Variants in KLHL5 observed in about 807,000 individuals in gnomAD.
The protein encoded by KLHL5 is kelch-like protein 5.
In KLHL5, 48 loss-of-function variants were observed where a neutral mutation model predicts 77.7. That is an observed-to-expected ratio of 0.62 (90% CI 0.49 to 0.79). The LOEUF (loss-of-function observed/expected upper bound fraction) is 0.79. Ranked by LOEUF, KLHL5 falls within the 30% of genes least tolerant of loss-of-function variation. The pLI, the probability that KLHL5 is intolerant of heterozygous loss-of-function variation, is 0.00. For synonymous variants in KLHL5, 260 were observed against 297.0 expected, an observed-to-expected ratio of 0.88 and a Z score of 1.28; for missense variants, 723 against 859.7, an observed-to-expected ratio of 0.84 and a Z score of 1.99.
At chr4:39,126,406 A>AGAG (rs2109651378), downstream of KLHL5, among the ~76,000 whole-genome samples, 1 of 152,244 alleles carries the variant, frequency 6.6e-6, no homozygotes, top group Non-Finnish European at 1.5e-5. Context: ...GAGATGTAGG[A>AGAG]GAGTACCGTG....
chr4:39,069,096 A>G (rs1718165660), intron 1 of KLHL5, among the ~76,000 whole-genome samples: 1 of 152,130 alleles, frequency 6.6e-6, no homozygotes, highest in Non-Finnish European at 1.5e-5. Flanking sequence ...TCTTTTCTCC[A>G]TGATTGAAGC....
At chr4:39,129,032 C>T (rs1723690112), downstream of KLHL5, among the ~76,000 whole-genome samples, 1 of 151,798 alleles carries the variant, frequency 6.6e-6, no homozygotes. The surrounding 1 kb of genome is among the most constrained non-coding windows in gnomAD (Gnocchi z 4.2). Flanking sequence ...GCAAGCGGGC[C>T]CCCATACACT....
chr4:39,069,430 TTATATATATATATATATATATA>T (rs60740721), intron 1 of KLHL5, among the ~76,000 whole-genome samples: 957 of 30,418 alleles, frequency 0.031, 17 homozygotes, highest in African/African-American at 0.11. Context: ...TATTAACATT[TTATATATATATATATATATATA>T]TATATATATA....
chr4:39,056,697 G>A (rs529177911), intron 1 of KLHL5, among the ~76,000 whole-genome samples: 102 of 152,224 alleles, frequency 6.7e-4, no homozygotes, highest in Middle Eastern at 3.4e-3. Flanking sequence ...TCCTATCCTA[G>A]CTGTTTGATT....
chr4:39,137,118 ATTGTTGTAAAC>A, the KLHL5 span, among the ~76,000 whole-genome samples: 1 of 152,208 alleles, frequency 6.6e-6, no homozygotes, highest in Non-Finnish European at 1.5e-5. Context: ...AATTCGGCAT[ATTGTTGTAAAC>A]TCACGGTTTT....
intron 1 of KLHL5, among the ~76,000 whole-genome samples, 180 bp downstream of exon 1, chr4:39,063,215 CTG>C (rs1450046573): frequency 6.6e-6 from 1 of 151,786 alleles, no homozygotes; most frequent in Non-Finnish European, 1.5e-5. Context: ...TTCTAATAGT[CTG>C]TAAAATTACA....
intron 1 of KLHL5, among the ~76,000 whole-genome samples, chr4:39,046,951 G>A (rs1291837097): frequency 6.6e-6 from 1 of 152,136 alleles, no homozygotes; most frequent in Non-Finnish European, 1.5e-5. Context: ...ACAAGATTCT[G>A]AGCTCAAGTA....
intron 1 of KLHL5, among the ~76,000 whole-genome samples, chr4:39,047,943 G>A (rs914685716): frequency 3.9e-5 from 6 of 152,142 alleles, no homozygotes; most frequent in Admixed American, 6.5e-5. Flanking sequence ...GTTTCCAGCC[G>A]GTTGATGAAC....
intron 9 of KLHL5, among the ~76,000 whole-genome samples, chr4:39,113,682 G>A (rs1213370844): frequency 6.6e-6 from 1 of 152,236 alleles, no homozygotes; most frequent in Non-Finnish European, 1.5e-5. Flanking sequence ...GATTTGGATG[G>A]TAGGTCAGGT....
At position 39,120,982 on chromosome 4, in the gene KLHL5, C is replaced by G. The variant is rs199922586; in HGVS notation, c.2074-28C>G. The stretch of plus-strand genomic sequence containing the variant: ...AGTGTTGACATTTTAACCTACAGAT[C>G]CAATACATATCTCTTTTTCCTTTTT... On this transcript the variant is annotated intron_variant, in intron 10 of 10. Coordinates refer to ENST00000504108, the MANE Select transcript of KLHL5 (RefSeq NM_015990.5). 3 of 1,574,234 alleles carry G rather than the reference C, an allele frequency of 1.9e-6. No homozygotes were observed. In the African/African-American group the frequency reaches 4.0e-5, roughly 21 times the overall value.
At chr4:39,139,319 C>T in the KLHL5 span, among the ~76,000 whole-genome samples, 81 of 150,692 alleles carry the variant, frequency 5.4e-4, no homozygotes, top group Middle Eastern at 3.5e-3. Context: ...ATCATCAATA[C>T]TGGGACAAAT....
chr4:39,139,635 T>C, the KLHL5 span, among the ~76,000 whole-genome samples: 1 of 152,156 alleles, frequency 6.6e-6, no homozygotes, highest in Non-Finnish European at 1.5e-5. Context: ...TATGCATGTG[T>C]AAGGCAGGGG....
chr4:39,115,431 T>C (rs1410785030), intron 10 of KLHL5, 101 bp downstream of exon 10: 2 of 1,559,364 alleles, frequency 1.3e-6, no homozygotes, highest in African/African-American at 1.4e-5. Flanking sequence ...CTGAAATATA[T>C]GGCATAAATA....
upstream of KLHL5, among the ~76,000 whole-genome samples, chr4:39,058,078 T>C (rs1194239199): frequency 1.6e-4 from 24 of 152,198 alleles, no homozygotes; most frequent in Admixed American, 1.6e-3. Flanking sequence ...GAAAAATGTA[T>C]TCATAATTGA....
At chr4:39,115,842 CT>C in intron 10 of KLHL5, 1 of 1,015,122 alleles carries the variant, frequency 9.9e-7, no homozygotes, top group South Asian at 4.2e-5. Flanking sequence ...GAATTTCACC[CT>C]TGTGTATTTC....
At chr4:39,045,122 C>T in intron 1 of KLHL5, 1 of 984,530 alleles carries the variant, frequency 1.0e-6, no homozygotes, top group Non-Finnish European at 1.2e-6. Flanking sequence ...TTCTCGGCAT[C>T]GGGGAGGGGG....
At chr4:39,103,225 TCATAAAA>T in intron 6 of KLHL5, 55 bp from the exon 7 acceptor site, 1 of 1,174,114 alleles carries the variant, frequency 8.5e-7, no homozygotes, top group Non-Finnish European at 1.2e-6. Flanking sequence ...ATCTGTAATT[TCATAAAA>T]TTACCAATCA....
At chr4:39,074,093 A>G (rs185008495) in intron 1 of KLHL5, among the ~76,000 whole-genome samples, 1 of 152,308 alleles carries the variant, frequency 6.6e-6, no homozygotes. Context: ...CATTTTTATA[A>G]TAATGATCTT....
chr4:39,106,999 TG>T (rs1722084358), intron 7 of KLHL5, among the ~76,000 whole-genome samples: 1 of 151,752 alleles, frequency 6.6e-6, no homozygotes. Context: ...CTCAGAGCTC[TG>T]GGATTACAGG....
Sources: allele counts gnomAD v4.1 joint callset (sites outside exome capture counted in the v4.1 genomes callset), GRCh38; gene constraint gnomAD v4.1.1; non-coding constraint Gnocchi (gnomAD v3.1); transcripts MANE v1.5; gene names NCBI Gene and HGNC (gene_info 2026-07-23, HGNC 2026-07-21).